The following RAD23B variants were observed in gnomAD, a reference collection of about 807,000 sequenced individuals.
The protein encoded by RAD23B is lysine-specific demethylase RAD23B.
A neutral mutation model predicts 49.1 loss-of-function variants in RAD23B; 5 were observed. The observed-to-expected ratio is 0.10, with a 90% CI of 0.05 to 0.21. The LOEUF is 0.21. Ranked by LOEUF, RAD23B falls within the 10% of genes least tolerant of loss-of-function variation. The pLI is 1.00. For missense variants in RAD23B, 356 were observed against 486.7 expected (o/e 0.73, Z 2.53); for synonymous variants, 184 against 165.4 (o/e 1.11, Z -0.86).
At chr9:107,317,873 T>C (rs1238605629) in intron 5 of RAD23B, among the ~76,000 whole-genome samples, 1 of 152,132 alleles carries the variant, frequency 6.6e-6, no homozygotes, top group African/African-American at 2.4e-5. Context: ...CAACTTTGTA[T>C]AGTGTACAAG....
At chr9:107,298,425 G>C (rs139586486) in intron 1 of RAD23B, among the ~76,000 whole-genome samples, 1 of 145,976 alleles carries the variant, frequency 6.9e-6, no homozygotes, top group Admixed American at 6.9e-5. Context: ...CTTGTACCTC[G>C]TCCTCCCAAG....
At chr9:107,302,877 C>T (rs10759223) in intron 3 of RAD23B, among the ~76,000 whole-genome samples, 83,641 of 151,638 alleles carry the variant, frequency 0.55, 23,254 homozygotes, top group East Asian at 0.75. Flanking sequence ...AGGATGGTCT[C>T]GATTTCCTGA....
intron 1 of RAD23B, among the ~76,000 whole-genome samples, chr9:107,297,921 C>CT (rs1196830762): frequency 6.6e-6 from 1 of 152,048 alleles, no homozygotes; most frequent in Non-Finnish European, 1.5e-5. Context: ...TCATATGTGT[C>CT]TTTTTTTCTT....
At chr9:107,311,228 C>G (rs1307265557) in intron 4 of RAD23B, among the ~76,000 whole-genome samples, 1 of 152,142 alleles carries the variant, frequency 6.6e-6, no homozygotes, top group East Asian at 1.9e-4. Flanking sequence ...TCATTCAGAA[C>G]TTACCTATAA....
At chr9:107,308,217 C>A (rs1826818826) in intron 4 of RAD23B, among the ~76,000 whole-genome samples, 1 of 83,234 alleles carries the variant, frequency 1.2e-5, no homozygotes, top group Non-Finnish European at 2.1e-5. Context: ...TCATTAACTC[C>A]ATTTTTTTTT....
Position 107,318,959 on chromosome 9 carries a change from C to T in RAD23B, c.681+80C>T. ...AGAAACAGATTTTAAAGGACCAGTT[C>T]ACTTGTCACTGATATATGCTAGATG... On this transcript the variant is annotated intron_variant, in intron 6 of 9. Transcript: ENST00000358015. This position sits in a 1 kb window ranked among gnomAD's most constrained non-coding sequence, Gnocchi z 4.3. 7.2e-7 allele frequency: 1 copy of T among 1,387,950 alleles called. No individual in the cohort carries two copies. The highest frequency in any genetic ancestry group is 2.1e-5 in the Admixed American group (1 of 48,062). The allele number at this position is 1,387,950 out of a possible 1,614,324, so 86.0% of individuals were successfully genotyped here. A position where few individuals can be genotyped will look rare whatever the true frequency, so the allele number is the denominator to read the frequency against.
chr9:107,306,307 G>A lies in RAD23B; in HGVS notation c.229-72G>A, dbSNP rs896051657. ...TGCTATGTTTGTGGCATCCTGTAAC[G>A]GTACAGTCTAATTAGAGATCAGGCA... On this transcript the variant is annotated intron_variant, in intron 3 of 9. Coordinates refer to ENST00000358015, the MANE Select transcript of RAD23B (RefSeq NM_002874.5). 72 of 1,440,216 alleles carry A rather than the reference G, an allele frequency of 5.0e-5. 1 individual carries two copies. Among genetic ancestry groups the A allele is most frequent in the Middle Eastern group, 2.0e-4 (1 of 4,982 alleles). 89.2% of individuals were successfully genotyped at this position (1,440,216 alleles called of 1,614,324 possible).
In RAD23B at chr9:107,323,876, T is replaced by C. The variant is rs745546748; in HGVS notation, c.818-14T>C. 102 of 1,595,374 alleles carry C rather than the reference T, an allele frequency of 6.4e-5. No homozygotes were observed. Among genetic ancestry groups the C allele is most frequent in the Non-Finnish European group, 8.3e-5 (97 of 1,163,416 alleles). On this transcript the variant is annotated splice_polypyrimidine_tract_variant and intron_variant, in intron 7 of 9. Transcript: ENST00000358015. ...TTTACTGCTTTTGTTTAGAAATGTT[T>C]ATGTGTATTTTAGGACATCCCCTTG...
At chr9:107,290,139 TTTGA>T (rs1234956190) in intron 1 of RAD23B, among the ~76,000 whole-genome samples, 1 of 152,222 alleles carries the variant, frequency 6.6e-6, no homozygotes, top group Non-Finnish European at 1.5e-5. Flanking sequence ...CTAGTCTTTA[TTTGA>T]TTGAGAATTT....
At chr9:107,317,950 C>T (rs956253795) in intron 5 of RAD23B, among the ~76,000 whole-genome samples, 4 of 152,110 alleles carry the variant, frequency 2.6e-5, no homozygotes, top group African/African-American at 4.8e-5. Context: ...CAAAGGGAAA[C>T]TGTGAACTTG....
chr9:107,284,794 A>C, intron 1 of RAD23B: 3 of 1,193,008 alleles, frequency 2.5e-6, no homozygotes, highest in Non-Finnish European at 3.3e-6. Context: ...TGTTAAGTAG[A>C]CCTGAGTTCC....
rs559475714 is a variant in RAD23B, at chr9:107,315,572, G to A, written c.554-3180G>A. ...TTTGTCACCCAGGCTGGAGTGCAGT[G>A]GCACAGTCTCAGCTCACTGCAACCT... On this transcript the variant is annotated intron_variant, in intron 5 of 9. Coordinates refer to ENST00000358015, the MANE Select transcript of RAD23B (RefSeq NM_002874.5). 2.7e-4 allele frequency among the ~76,000 whole-genome samples: 41 copies of A among 152,166 alleles called. No individual in the cohort carries two copies. In the South Asian group the frequency reaches 8.3e-3, roughly 31 times the overall value.
chr9:107,288,197 T>C (rs1833313750), intron 1 of RAD23B, among the ~76,000 whole-genome samples: 1 of 152,168 alleles, frequency 6.6e-6, no homozygotes, highest in Admixed American at 6.5e-5. Context: ...ACTGAATATA[T>C]TCTTTTGGTG....
At chr9:107,326,766 T>G (rs1287566899) in intron 9 of RAD23B, among the ~76,000 whole-genome samples, 2 of 149,964 alleles carry the variant, frequency 1.3e-5, no homozygotes, top group African/African-American at 2.4e-5. Context: ...CCCGAGTAGC[T>G]GGGACCACAG....
At chr9:107,309,917 T>G (rs1184572923) in intron 4 of RAD23B, among the ~76,000 whole-genome samples, 1 of 118,652 alleles carries the variant, frequency 8.4e-6, no homozygotes. Flanking sequence ...GGCGACAGAG[T>G]GAGACTCCAT....
intron 2 of RAD23B, among the ~76,000 whole-genome samples, chr9:107,300,747 C>T (rs1431976656): frequency 1.3e-5 from 2 of 152,128 alleles, no homozygotes; most frequent in Admixed American, 1.3e-4. Flanking sequence ...TGACTAGCCT[C>T]ACTAATAACC....
intron 9 of RAD23B, among the ~76,000 whole-genome samples, chr9:107,327,002 C>G (rs1827218540): frequency 6.6e-6 from 1 of 152,076 alleles, no homozygotes; most frequent in Admixed American, 6.6e-5. Context: ...TCTATTTTAT[C>G]TAAGCTGTCT....
Position 107,306,485 on chromosome 9 carries a change from C to T in RAD23B, c.335C>T (p.Thr112Ile), listed in dbSNP as rs776897206. The T allele has an allele frequency of 6.2e-7, 1 of 1,614,204 alleles. No individual in the cohort carries two copies. The highest frequency in any genetic ancestry group is 8.5e-7 in the Non-Finnish European group (1 of 1,180,036). Residue 112 changes from threonine to isoleucine, a missense_variant, in exon 4 of 10, where the codon ACC becomes ATC. Thr to Ile is a moderately conservative substitution (Grantham distance 89). Around this residue, in one of 5 missense-constraint regions of RAD23B, gnomAD observed 137 missense variants for 122.0 expected, o/e 1.12. Coordinates refer to ENST00000358015, the MANE Select transcript of RAD23B (RefSeq NM_002874.5). Reference sequence around the variant, plus strand: ...ACCACAACTGTGGCTCAGGCTCCAACCCCTGTCCCTGCCTTGGCCCCCACT... The same window carrying T: ...ACCACAACTGTGGCTCAGGCTCCAATCCCTGTCCCTGCCTTGGCCCCCACT... ...STTTTVAQAPTPVPALAPTST... is the reference protein window; with the variant it reads ...STTTTVAQAPIPVPALAPTST...
At chr9:107,301,420 G>T (rs1826649832) in intron 2 of RAD23B, among the ~76,000 whole-genome samples, 1 of 152,024 alleles carries the variant, frequency 6.6e-6, no homozygotes, top group African/African-American at 2.4e-5. Flanking sequence ...CCTTTTCAGG[G>T]CCTCTTTCAT....
Sources: allele counts gnomAD v4.1 joint callset (sites outside exome capture counted in the v4.1 genomes callset), GRCh38; gene constraint gnomAD v4.1.1; regional missense constraint gnomAD v4.1.1; non-coding constraint Gnocchi (gnomAD v3.1); transcripts MANE v1.5; gene names NCBI Gene and HGNC (gene_info 2026-07-23, HGNC 2026-07-21).